Variants in ADGB observed in about 807,000 individuals in gnomAD.
ADGB encodes calpain-7-like protein.
A neutral mutation model predicts 210.5 loss-of-function variants in ADGB; 172 were observed. The observed-to-expected ratio is 0.82, with a 90% CI of 0.72 to 0.93. The LOEUF is 0.93. Among genes scored for constraint, ADGB ranks in the 40% least tolerant of loss-of-function variants. The probability of loss-of-function intolerance (pLI) is 0.00; values close to 1 mark genes in which losing one functional copy is unlikely to be tolerated. For missense variants in ADGB, 2,025 were observed against 1,964.8 expected, an observed-to-expected ratio of 1.03 and a Z score of -0.58; for synonymous variants, 658 against 662.7, an observed-to-expected ratio of 0.99 and a Z score of 0.11.
chr6:146,726,746 ATC>A (rs1226523405), intron 19 of ADGB, among the ~76,000 whole-genome samples: 9 of 152,134 alleles, frequency 5.9e-5, no homozygotes, highest in Admixed American at 5.2e-4. Context: ...ACTCTGTTGA[ATC>A]TCTTTTCATA....
At chr6:146,666,704 C>A in intron 6 of ADGB, 112 bp from the exon 7 acceptor site, 2 of 565,694 alleles carry the variant, frequency 3.5e-6, no homozygotes, top group Non-Finnish European at 6.0e-6. Flanking sequence ...TTAATACAGT[C>A]TATAATGAAT....
chr6:146,770,461 C>T, intron 29 of ADGB: 1 of 333,204 alleles, frequency 3.0e-6, no homozygotes, highest in East Asian at 9.0e-5. Context: ...CCAACGGCAT[C>T]GCACTGTGCG....
At position 146,635,422 on chromosome 6, in the gene ADGB, AG is replaced by A; in HGVS notation, c.123del (p.Lys42ArgfsTer15). The A allele has an allele frequency of 6.5e-7, 1 of 1,547,630 alleles. No individual in the cohort carries two copies. The highest frequency in any genetic ancestry group is 8.7e-7 in the Non-Finnish European group (1 of 1,144,800). On this transcript the variant is annotated frameshift_variant, in exon 2 of 36. Transcript: ENST00000397944. LOFTEE classifies it high-confidence loss of function. ...SNVQSGSTEQ[K>X]KGKFPLWPEW... ...GTACAATCTGGTTCTACTGAACAAAAGAAGGGGAAATTCCCACTCTGGCCAG... is the reference window on the plus strand; with the variant it reads ...GTACAATCTGGTTCTACTGAACAAAAAAGGGGAAATTCCCACTCTGGCCAG...
chr6:146,760,661 ACATT>A (rs1466154465), intron 27 of ADGB, among the ~76,000 whole-genome samples: 1 of 151,932 alleles, frequency 6.6e-6, no homozygotes, highest in Non-Finnish European at 1.5e-5. Context: ...ACATATGTAT[ACATT>A]TATTTTAAGA....
intron 29 of ADGB, among the ~76,000 whole-genome samples, chr6:146,773,696 G>T (rs1439404926): frequency 6.6e-6 from 1 of 152,158 alleles, no homozygotes; most frequent in African/African-American, 2.4e-5. Flanking sequence ...CAGAGTGAAG[G>T]TTCTAACATA....
intron 9 of ADGB, among the ~76,000 whole-genome samples, chr6:146,682,838 C>G (rs1429057653): frequency 6.6e-6 from 1 of 152,016 alleles, no homozygotes; most frequent in Non-Finnish European, 1.5e-5. Flanking sequence ...GGCTAATAAA[C>G]TTTTTTGAAA....
At position 146,742,174 on chromosome 6, in the gene ADGB, T is replaced by C. The variant is rs1210869590; in HGVS notation, c.3177+903T>C. Among the ~76,000 whole-genome samples, 10 of 152,170 alleles carry C rather than the reference T, an allele frequency of 6.6e-5. No individual in the cohort carries two copies. In the East Asian group the frequency reaches 1.9e-3, roughly 29 times the overall value. The stretch of plus-strand genomic sequence containing the variant: ...GAGATTTTAGGAAACATTTTAAAAA[T>C]AAGGGCAATTAAATTTTCGATGAAA... On this transcript the variant is annotated intron_variant, in intron 25 of 35. Transcript: ENST00000397944.
chr6:146,715,892 AC>A (rs952468016), intron 14 of ADGB, among the ~76,000 whole-genome samples: 53 of 151,792 alleles, frequency 3.5e-4, no homozygotes, highest in African/African-American at 1.3e-3. Flanking sequence ...ACATGGTGAA[AC>A]CCTGTCTCTA....
chr6:146,734,243 A>G (rs1166658141), intron 22 of ADGB, among the ~76,000 whole-genome samples: 1 of 152,230 alleles, frequency 6.6e-6, no homozygotes, highest in African/African-American at 2.4e-5. Context: ...ATAAGCACAC[A>G]ATAAATACTT....
chr6:146,713,140 T>C (rs1187176719), intron 13 of ADGB, among the ~76,000 whole-genome samples: 2 of 152,250 alleles, frequency 1.3e-5, no homozygotes, highest in African/African-American at 4.8e-5. Context: ...GTATGTCACA[T>C]TCTGTTTATC....
intron 28 of ADGB, among the ~76,000 whole-genome samples, chr6:146,767,581 G>A (rs952925941): frequency 2.6e-5 from 4 of 152,016 alleles, no homozygotes; most frequent in Admixed American, 6.6e-5. Flanking sequence ...TGATTCTCTC[G>A]TCTCAGCCTC....
intron 9 of ADGB, among the ~76,000 whole-genome samples, chr6:146,680,228 C>T (rs1472920248): frequency 6.6e-6 from 1 of 152,114 alleles, no homozygotes; most frequent in Admixed American, 6.6e-5. Flanking sequence ...CTGACCTATA[C>T]CGTGCTCTCA....
chr6:146,739,480 A>C (rs1777131628), intron 23 of ADGB, among the ~76,000 whole-genome samples: 1 of 152,176 alleles, frequency 6.6e-6, no homozygotes, highest in Non-Finnish European at 1.5e-5. Flanking sequence ...TGTCTTTGTC[A>C]CCATTTTAAA....
At chr6:146,665,474 C>G (rs1239032729) in intron 6 of ADGB, among the ~76,000 whole-genome samples, 1 of 151,860 alleles carries the variant, frequency 6.6e-6, no homozygotes, top group Non-Finnish European at 1.5e-5. Context: ...ATACCGGTGG[C>G]ATGTTCATTT....
At chr6:146,759,052 C>T (rs1178939259) in intron 27 of ADGB, among the ~76,000 whole-genome samples, 1 of 151,894 alleles carries the variant, frequency 6.6e-6, no homozygotes, top group South Asian at 2.1e-4. Flanking sequence ...GGAAACAAAT[C>T]TATTTACATA....
intron 1 of ADGB, among the ~76,000 whole-genome samples, chr6:146,611,544 C>T (rs1284797209): frequency 6.6e-6 from 1 of 152,116 alleles, no homozygotes; most frequent in Non-Finnish European, 1.5e-5. Context: ...AAGAGTGGAC[C>T]ACTCCATGCC....
chr6:146,624,662 T>G (rs1226723569), intron 1 of ADGB, among the ~76,000 whole-genome samples: 2 of 151,938 alleles, frequency 1.3e-5, no homozygotes, highest in Non-Finnish European at 2.9e-5. Flanking sequence ...TGCTCTTTTT[T>G]TCTTACTTAA....
Position 146,802,996 on chromosome 6 carries a change from C to T in ADGB, c.4818+985C>T, listed in dbSNP as rs1378528245. 24 of 1,608,252 alleles carry T rather than the reference C, an allele frequency of 1.5e-5. No individual in the cohort carries two copies. In the Admixed American group the frequency reaches 4.0e-4, roughly 27 times the overall value. On this transcript the variant is annotated intron_variant, in intron 35 of 35. Coordinates refer to ENST00000397944, the MANE Select transcript of ADGB (RefSeq NM_024694.4). ...ATGACTGCTTGAAGCCAGTTTAAAC[C>T]AACTATAACATATTCTTCAAATTTG...
intron 13 of ADGB, among the ~76,000 whole-genome samples, chr6:146,706,555 T>C (rs1313832900): frequency 6.6e-6 from 1 of 152,066 alleles, no homozygotes; most frequent in African/African-American, 2.4e-5. Flanking sequence ...ACAGTTTTTA[T>C]TACTAATGTA....
Sources: gnomAD v4.1 joint callset for allele counts (sites outside exome capture counted in the v4.1 genomes callset) on GRCh38, gnomAD v4.1.1 for gene constraint, MANE v1.5 for transcripts, NCBI Gene and HGNC (gene_info 2026-07-23, HGNC 2026-07-21) for gene names.